The following FSTL4 variants were observed in gnomAD, a reference collection of about 807,000 sequenced individuals.
FSTL4 encodes the protein follistatin like 4, also known as follistatin-related protein 4.
Under a neutral mutation model 78.2 loss-of-function variants are expected in FSTL4, and 28 were observed. The ratio of observed to expected loss-of-function variants is 0.36; its 90% CI spans 0.27 to 0.49. The LOEUF is 0.49. FSTL4 is among the 20% of genes least tolerant of loss of function. The probability of loss-of-function intolerance (pLI) is 0.98; values close to 1 mark genes in which losing one functional copy is unlikely to be tolerated. For synonymous variants in FSTL4, 422 were observed against 440.5 expected, an observed-to-expected ratio of 0.96 and a Z score of 0.53; for missense variants, 922 against 1,084.9, an observed-to-expected ratio of 0.85 and a Z score of 2.11.
At chr5:133,350,295 AG>A (rs1212504522) in intron 4 of FSTL4, among the ~76,000 whole-genome samples, 1 of 152,210 alleles carries the variant, frequency 6.6e-6, no homozygotes, top group Non-Finnish European at 1.5e-5. Flanking sequence ...ACTTACCAAG[AG>A]TGATGGTTAT....
chr5:133,615,307 T>C (rs1761178153), upstream of FSTL4, among the ~76,000 whole-genome samples: 1 of 152,248 alleles, frequency 6.6e-6, no homozygotes, highest in Non-Finnish European at 1.5e-5. Context: ...TTCTGCTGCC[T>C]GTTCAAAAAA....
chr5:133,770,670 T>A, the FSTL4 span, among the ~76,000 whole-genome samples: 9 of 152,204 alleles, frequency 5.9e-5, no homozygotes, highest in Non-Finnish European at 1.0e-4. Context: ...CTACAGGTTG[T>A]CTGTTTACTC....
intron 2 of FSTL4, among the ~76,000 whole-genome samples, chr5:133,581,096 C>G (rs1760393698): frequency 6.6e-6 from 1 of 152,184 alleles, no homozygotes; most frequent in Non-Finnish European, 1.5e-5. Flanking sequence ...AAGGCACTTT[C>G]ATTGTACCAC....
chr5:133,418,134 G>A (rs1446497640), intron 3 of FSTL4, among the ~76,000 whole-genome samples: 2 of 151,554 alleles, frequency 1.3e-5, no homozygotes, highest in Non-Finnish European at 2.9e-5. Flanking sequence ...ACTAGAAAAC[G>A]AGTAATAGAG....
the FSTL4 span, among the ~76,000 whole-genome samples, chr5:133,769,903 C>T: frequency 1.6e-4 from 24 of 152,248 alleles, no homozygotes; most frequent in South Asian, 4.8e-3. Flanking sequence ...CCACTCTATA[C>T]ATCCATGGGT....
chr5:133,422,930 A>C (rs939533160), intron 3 of FSTL4, among the ~76,000 whole-genome samples: 1 of 152,226 alleles, frequency 6.6e-6, no homozygotes, highest in African/African-American at 2.4e-5. Flanking sequence ...TCTTAGAAAC[A>C]ACACCCAAGC....
chr5:133,829,039 C>T, the FSTL4 span, among the ~76,000 whole-genome samples: 3 of 152,232 alleles, frequency 2.0e-5, no homozygotes, highest in South Asian at 2.1e-4. Flanking sequence ...CTGGGACCTC[C>T]GAAAGGCACC....
At chr5:133,805,377 T>C in the FSTL4 span, among the ~76,000 whole-genome samples, 1 of 152,068 alleles carries the variant, frequency 6.6e-6, no homozygotes, top group Non-Finnish European at 1.5e-5. Flanking sequence ...ACTTGGTGTA[T>C]GCCCCACAAG....
intron 4 of FSTL4, among the ~76,000 whole-genome samples, chr5:133,379,290 T>C (rs1580662498): frequency 1.3e-5 from 2 of 151,792 alleles, no homozygotes; most frequent in Admixed American, 6.6e-5. Flanking sequence ...AAGAAAGAAA[T>C]AGATGACAAT....
At position 133,272,123 on chromosome 5, in the gene FSTL4, A is replaced by C. The variant is rs190787160; in HGVS notation, c.728-22547T>G. On this transcript the variant is annotated intron_variant, in intron 6 of 15. Transcript: ENST00000265342. ...TTAATGGGAAACAGGAGACATCCCA[A>C]CAAGGGGAATGTACCAGGAATGTCA... is the stretch of plus-strand genomic sequence containing the variant. Among the ~76,000 whole-genome samples, 4 of 152,374 alleles carry C rather than the reference A, an allele frequency of 2.6e-5. No individual in the cohort carries two copies. In the East Asian group the frequency reaches 7.7e-4, roughly 29 times the overall value.
intron 4 of FSTL4, among the ~76,000 whole-genome samples, chr5:133,360,900 A>G (rs1212883177): frequency 6.6e-6 from 1 of 152,204 alleles, no homozygotes; most frequent in Non-Finnish European, 1.5e-5. Context: ...AGGGAGCTTA[A>G]TTGCCATCTT....
intron 3 of FSTL4, among the ~76,000 whole-genome samples, chr5:133,414,249 G>A (rs968371016): frequency 6.6e-6 from 1 of 152,110 alleles, no homozygotes; most frequent in Non-Finnish European, 1.5e-5. Flanking sequence ...ACATTTTCAA[G>A]GAAATTTCTC....
chr5:133,317,836 C>G (rs1233643715), intron 4 of FSTL4, among the ~76,000 whole-genome samples: 1 of 152,178 alleles, frequency 6.6e-6, no homozygotes, highest in Non-Finnish European at 1.5e-5. Context: ...AGTAAGGGCT[C>G]ATAACATGAT....
At chr5:133,683,781 C>T in the FSTL4 span, among the ~76,000 whole-genome samples, 1 of 152,206 alleles carries the variant, frequency 6.6e-6, no homozygotes, top group African/African-American at 2.4e-5. Flanking sequence ...GGTGATGAAG[C>T]TTCTCCCACC....
At chr5:133,274,380 C>CTTTTTTTTTTTTTTTTTTTTTTTT (rs59634629) in intron 6 of FSTL4, among the ~76,000 whole-genome samples, 1 of 71,030 alleles carries the variant, frequency 1.4e-5, no homozygotes, top group African/African-American at 5.7e-5. Flanking sequence ...GCAATCTGTG[C>CTTTTTTTTTTTTTTTTTTTTTTTT]TTTTTTTTTT....
chr5:133,786,134 C>A, the FSTL4 span, among the ~76,000 whole-genome samples: 1 of 152,172 alleles, frequency 6.6e-6, no homozygotes, highest in Admixed American at 6.5e-5. Context: ...CTTCCCCACC[C>A]AAGCAAGCCC....
At position 133,224,080 on chromosome 5, in the gene FSTL4, A is replaced by G; in HGVS notation, c.1339+110T>C. The G allele has an allele frequency of 1.2e-5, 9 of 772,398 alleles. No individual in the cohort carries two copies. The South Asian group carries it at 1.6e-4, about 14-fold the overall frequency. The allele number at this position is 772,398 out of a possible 1,614,324, so 47.8% of individuals were successfully genotyped here. A position where few individuals can be genotyped will look rare whatever the true frequency, so the allele number is the denominator to read the frequency against. On this transcript the variant is annotated intron_variant, in intron 11 of 15. Transcript: ENST00000265342. ...AATTTGACATTGACTTCCTGCTCCCATAGGGCTGCTTTGTGTGGGAAAGCT... is the reference window on the plus strand; with the variant it reads ...AATTTGACATTGACTTCCTGCTCCCGTAGGGCTGCTTTGTGTGGGAAAGCT...
intron 3 of FSTL4, among the ~76,000 whole-genome samples, chr5:133,402,055 G>C (rs1243055839): frequency 2.6e-5 from 4 of 152,114 alleles, no homozygotes; most frequent in Admixed American, 2.6e-4. Flanking sequence ...CATTTCCTTG[G>C]GGGAGAATGT....
the FSTL4 span, among the ~76,000 whole-genome samples, chr5:133,742,626 G>A: frequency 1.3e-5 from 2 of 152,064 alleles, no homozygotes; most frequent in African/African-American, 2.4e-5. Context: ...GCTCTCGGAG[G>A]GCTGACCCTA....
Sources: gnomAD v4.1 joint callset for allele counts (sites outside exome capture counted in the v4.1 genomes callset) on GRCh38, gnomAD v4.1.1 for gene constraint, MANE v1.5 for transcripts, NCBI Gene and HGNC (gene_info 2026-07-23, HGNC 2026-07-21) for gene names.